ALPK2: variants seen among roughly 807,000 people sequenced by gnomAD.
ALPK2 encodes the protein alpha kinase 2.
ALPK2 carries 127 observed loss-of-function variants against 163.1 expected under a neutral mutation model. The ratio of observed to expected loss-of-function variants is 0.78; its 90% CI spans 0.67 to 0.90. The LOEUF (loss-of-function observed/expected upper bound fraction) is 0.90. ALPK2 is among the 40% of genes least tolerant of loss of function. The pLI is 0.00. For synonymous variants in ALPK2, 953 were observed against 959.1 expected (o/e 0.99, Z 0.12); for missense variants, 2,360 against 2,589.6 (o/e 0.91, Z 1.92).
intron 4 of ALPK2, among the ~76,000 whole-genome samples, chr18:58,541,284 G>A (rs1007956707): frequency 3.3e-5 from 5 of 152,242 alleles, no homozygotes; most frequent in Non-Finnish European, 7.3e-5. Context: ...GACCAAGAGC[G>A]AGCAAGGGGG....
At chr18:58,498,018 A>G (rs2051409885) in intron 12 of ALPK2, 31 bp downstream of exon 12, 1 of 1,611,634 alleles carries the variant, frequency 6.2e-7, no homozygotes. Flanking sequence ...CCCAGTGTTA[A>G]TTGATGCACA....
In ALPK2 at chr18:58,524,019, T is replaced by C. The variant is rs2051570926; in HGVS notation, c.5545A>G (p.Ser1849Gly). ...TAATAGAGTCCCTGGTCCTTCGGAC[T>C]GGCTTGCACGATGGCAAAGGAAACA... ...STVSFAIVQA[S>G]PKDQGLYYCC... The change falls in exon 7 of 13, where the codon AGT becomes GGT. Residue 1849 changes from serine (S) to glycine (G), a missense_variant. Physicochemically the swap from Ser to Gly is moderately conservative, Grantham distance 56 (BLOSUM62 0). Transcript: ENST00000361673. 6.2e-7 allele frequency: 1 copy of C among 1,614,000 alleles called. No homozygotes were observed. Among genetic ancestry groups the C allele is most frequent in the South Asian group, 1.1e-5 (1 of 91,088 alleles).
At chr18:58,506,843 C>T (rs77039146) in intron 10 of ALPK2, among the ~76,000 whole-genome samples, 2,002 of 152,226 alleles carry the variant, frequency 0.013, 41 homozygotes, top group African/African-American at 0.044. Context: ...GCCTGTTTAG[C>T]CGCCTCCCTG....
In ALPK2 at chr18:58,620,270, G is replaced by A. The variant is rs376738301; in HGVS notation, c.-20-8453C>T. 1.2e-4 allele frequency among the ~76,000 whole-genome samples: 19 copies of A among 152,286 alleles called. No individual in the cohort carries two copies. The East Asian group carries it at 2.9e-3, about 23-fold the overall frequency. On this transcript the variant is annotated intron_variant, in intron 1 of 12. Transcript: ENST00000361673. ...CACGCCATTGCACTCCAGCTTGGAC[G>A]ACAGAGCGAAGCTCCTTCTCAAAAC...
intron 3 of ALPK2, among the ~76,000 whole-genome samples, chr18:58,599,845 A>C (rs939934615): frequency 1.3e-5 from 2 of 152,152 alleles, no homozygotes; most frequent in African/African-American, 4.8e-5. Flanking sequence ...ACTGAGACAT[A>C]GAAAAGTTAA....
intron 3 of ALPK2, among the ~76,000 whole-genome samples, chr18:58,592,210 A>C (rs969398793): frequency 2.6e-5 from 4 of 152,334 alleles, no homozygotes; most frequent in Admixed American, 2.6e-4. Flanking sequence ...ACTGCATGGG[A>C]CTTGAGAAGG....
chr18:58,540,462 A>G (rs941961911), intron 4 of ALPK2, among the ~76,000 whole-genome samples: 2 of 152,180 alleles, frequency 1.3e-5, no homozygotes, highest in African/African-American at 4.8e-5. Context: ...GTATTTTTTT[A>G]AAAGAGTTTG....
chr18:58,598,348 C>T (rs2052051448), intron 3 of ALPK2, among the ~76,000 whole-genome samples: 1 of 152,222 alleles, frequency 6.6e-6, no homozygotes, highest in South Asian at 2.1e-4. Flanking sequence ...GGAGCATGTG[C>T]TTGGGAGAAG....
chr18:58,596,620 A>G (rs1177774246), intron 3 of ALPK2, among the ~76,000 whole-genome samples: 2 of 152,244 alleles, frequency 1.3e-5, no homozygotes, highest in Admixed American at 6.5e-5. Context: ...GAGGCCTGTT[A>G]GATTATTCTG....
intron 4 of ALPK2, among the ~76,000 whole-genome samples, chr18:58,550,928 C>T (rs923548010): frequency 4.7e-5 from 7 of 148,020 alleles, no homozygotes; most frequent in Non-Finnish European, 1.1e-4. Context: ...ATCCCCACCT[C>T]CATTACATAC....
At chr18:58,626,951 G>A (rs140058130) in intron 1 of ALPK2, among the ~76,000 whole-genome samples, 492 of 151,268 alleles carry the variant, frequency 3.3e-3, no homozygotes, top group African/African-American at 0.011. Context: ...ACTATGATTC[G>A]ACACATACTT....
intron 4 of ALPK2, among the ~76,000 whole-genome samples, chr18:58,551,846 G>GCAGT (rs1224215081): frequency 6.6e-6 from 1 of 152,188 alleles, no homozygotes; most frequent in African/African-American, 2.4e-5. Context: ...TCCAGACCCT[G>GCAGT]CAGTCAGCAC....
Position 58,536,114 on chromosome 18 carries a change from G to C in ALPK2, c.4073C>G (p.Ser1358Ter), listed in dbSNP as rs200994246. 84 of 1,614,132 alleles carry C rather than the reference G, an allele frequency of 5.2e-5. No individual in the cohort carries two copies. In the African/African-American group the frequency reaches 9.9e-4, roughly 19 times the overall value. ...CTTCCCTCCAGTTTCAGAAGCCGCT[G>C]ACAGTGAATCTGTGACAGATAACTC... ...EKELSVTDSL[S>*]AASETGGKEN... Residue 1358 changes from serine to a stop codon, truncating the protein, a stop_gained, in exon 5 of 13, where the codon TCA (serine) becomes TGA (stop). Transcript: ENST00000361673. LOFTEE classifies it high-confidence loss of function.
In ALPK2 at chr18:58,621,539, G is replaced by A. The variant is rs190908088; in HGVS notation, c.-21+7225C>T. On this transcript the variant is annotated intron_variant, in intron 1 of 12. Transcript: ENST00000361673. ...GCCCGCCTCGGCCTCCCAAAGTGCT[G>A]GGATTACAGGCGTGAGCCACTGCAC... 4.4e-3 allele frequency among the ~76,000 whole-genome samples: 674 copies of A among 152,284 alleles called. 6 individuals are homozygous for A. Among genetic ancestry groups the A allele is most frequent in the African/African-American group, 0.015 (625 of 41,568 alleles).
chr18:58,543,825 AG>A (rs2051703912), intron 4 of ALPK2, among the ~76,000 whole-genome samples: 1 of 152,234 alleles, frequency 6.6e-6, no homozygotes, highest in South Asian at 2.1e-4. Flanking sequence ...AGGCAGAGCC[AG>A]GATTTAAAGC....
At position 58,504,005 on chromosome 18, in the gene ALPK2, C is replaced by T; in HGVS notation, c.6173G>A (p.Gly2058Asp). The T allele has an allele frequency of 6.2e-7, 1 of 1,614,226 alleles. No homozygotes were observed. Among genetic ancestry groups the T allele is most frequent in the Non-Finnish European group, 8.5e-7 (1 of 1,180,048 alleles). ...INFLRRESEAGQKCCTFQHWV... is the reference protein window; with the variant it reads ...INFLRRESEADQKCCTFQHWV... Reference sequence around the variant, plus strand: ...GTGCTGGAAGGTGCAACATTTCTGACCAGCTTCTGATTCTCTTCTCAAGAA... The same window carrying T: ...GTGCTGGAAGGTGCAACATTTCTGATCAGCTTCTGATTCTCTTCTCAAGAA... Residue 2058 changes from glycine to aspartate, a missense_variant, in exon 11 of 13, where the codon GGT (glycine) becomes GAT (aspartate). By Grantham distance (94) the Gly-to-Asp change is moderately conservative. Coordinates refer to ENST00000361673, the MANE Select transcript of ALPK2 (RefSeq NM_052947.4).
At chr18:58,549,627 T>C (rs2051739236) in intron 4 of ALPK2, among the ~76,000 whole-genome samples, 1 of 152,166 alleles carries the variant, frequency 6.6e-6, no homozygotes. Context: ...GTAAATGCAA[T>C]CCCTTTATTT....
In ALPK2 at chr18:58,524,040, A is replaced by G. The variant is rs376679273; in HGVS notation, c.5524T>C (p.Ser1842Pro). ...GGACTGGCTTGCACGATGGCAAAGG[A>G]AACAGTGGAGTTGTCCCCTGCACTG... ...QRSAGDNSTV[S>P]FAIVQASPKD... is the part of the protein sequence containing the mutation. The change falls in exon 7 of 13, where the codon TCC becomes CCC. Residue 1842 changes from serine to proline, a missense_variant. Transcript: ENST00000361673. The G allele has an allele frequency of 6.2e-7, 1 of 1,613,864 alleles. No homozygotes were observed. The highest frequency in any genetic ancestry group is 8.5e-7 in the Non-Finnish European group (1 of 1,179,792).
At position 58,525,967 on chromosome 18, in the gene ALPK2, GA is replaced by G. The variant is rs10653750; in HGVS notation, c.5502-1906del. Among the ~76,000 whole-genome samples, 317 of 117,708 alleles carry G rather than the reference GA, an allele frequency of 2.7e-3. 1 individual carries two copies. The highest frequency in any genetic ancestry group is 0.015 in the South Asian group (50 of 3,306). 77.2% of individuals were successfully genotyped at this position (117,708 alleles called of 152,430 possible). On this transcript the variant is annotated intron_variant, in intron 6 of 12. Coordinates refer to ENST00000361673, the MANE Select transcript of ALPK2 (RefSeq NM_052947.4). ...TACTGGGGGATTCAATGATGAAAAAGAAAAAAAAAAAAAAAAAAAGGCACAG... is the reference window on the plus strand; with the variant it reads ...TACTGGGGGATTCAATGATGAAAAAGAAAAAAAAAAAAAAAAAAGGCACAG...
Sources: gnomAD v4.1 joint callset for allele counts (sites outside exome capture counted in the v4.1 genomes callset) on GRCh38, gnomAD v4.1.1 for gene constraint, MANE v1.5 for transcripts, NCBI Gene and HGNC (gene_info 2026-07-23, HGNC 2026-07-21) for gene names.